The following LNX1 variants were observed in gnomAD, a reference collection of about 807,000 sequenced individuals.
LNX1 encodes E3 ubiquitin-protein ligase LNX.
Under a neutral mutation model 68.4 loss-of-function variants are expected in LNX1, and 54 were observed. The ratio of observed to expected loss-of-function variants is 0.79; its 90% confidence interval spans 0.63 to 0.99. The LOEUF (loss-of-function observed/expected upper bound fraction) is 0.99, where lower values mean the gene tolerates loss of function less well. Among genes scored for constraint, LNX1 ranks in the 50% least tolerant of loss-of-function variants. The probability of loss-of-function intolerance (pLI) is 0.00; values close to 1 mark genes in which losing one functional copy is unlikely to be tolerated. For missense variants in LNX1, 906 were observed against 926.4 expected (o/e 0.98, Z 0.29); for synonymous variants, 336 against 350.0 (o/e 0.96, Z 0.45).
chr4:53,516,421 A>G (rs753911594), intron 2 of LNX1, among the ~76,000 whole-genome samples: 17 of 152,200 alleles, frequency 1.1e-4, no homozygotes, highest in Non-Finnish European at 2.2e-4. Context: ...CCTCCATGCC[A>G]CATTATCAGA....
chr4:53,468,633 G>A (rs1486256728), intron 9 of LNX1, among the ~76,000 whole-genome samples: 2 of 151,974 alleles, frequency 1.3e-5, no homozygotes, highest in Admixed American at 6.5e-5. Flanking sequence ...TCAAATAAAG[G>A]GATGGAAGAA....
chr4:53,605,823 C>G (rs1300600222), intron 2 of LNX1, among the ~76,000 whole-genome samples: 1 of 152,168 alleles, frequency 6.6e-6, no homozygotes, highest in Non-Finnish European at 1.5e-5. Flanking sequence ...CATCATCTAT[C>G]AATGGACACT....
chr4:53,559,253 A>C (rs1730119196), intron 2 of LNX1, among the ~76,000 whole-genome samples: 1 of 152,236 alleles, frequency 6.6e-6, no homozygotes, highest in Non-Finnish European at 1.5e-5. Flanking sequence ...TAGAATGTGC[A>C]GATTTAATTT....
rs1029519191 is a variant in LNX1, at chr4:53,460,026, A to G, written c.*881T>C. 5.0e-6 allele frequency: 1 copy of G among 200,800 alleles called. No homozygotes were observed. Among genetic ancestry groups the G allele is most frequent in the African/African-American group, 2.4e-5 (1 of 41,638 alleles). 12.4% of individuals were successfully genotyped at this position (200,800 alleles called of 1,614,324 possible). ...TTTCATATCCAAATTAATAAAACCT[A>G]TAAGGCATCTGGGTGGCCTCTATGA... On this transcript the variant is annotated 3_prime_UTR_variant, in exon 11 of 11. Coordinates refer to ENST00000263925, the MANE Select transcript of LNX1 (RefSeq NM_001126328.3).
chr4:53,567,336 G>A (rs1730769401), intron 2 of LNX1, among the ~76,000 whole-genome samples: 1 of 147,666 alleles, frequency 6.8e-6, no homozygotes, highest in African/African-American at 2.5e-5. Flanking sequence ...TCAGGATTAA[G>A]AATCTCACTC....
In LNX1 at chr4:53,573,883, G is replaced by A. The variant is rs764417661; in HGVS notation, c.120C>T (p.Ile40=). The A allele has an allele frequency of 1.2e-6, 2 of 1,613,866 alleles. No individual in the cohort carries two copies. Among genetic ancestry groups the A allele is most frequent in the East Asian group, 2.2e-5 (1 of 44,884 alleles). Residue 40 remains isoleucine (I), a synonymous_variant, in exon 2 of 11, where the codon ATC becomes ATT. Coordinates refer to ENST00000263925, the MANE Select transcript of LNX1 (RefSeq NM_001126328.3). The stretch of plus-strand genomic sequence containing the variant: ...GCAAAGCCTGCAGGCAGATGTGGCA[G>A]ATGAGGTCATCATCCACTTCCTCTG... The part of the protein sequence containing the change: ...SYPEEVDDDL[I]CHICLQALLD...
chr4:53,574,449 G>GA (rs34145850), intron 1 of LNX1, among the ~76,000 whole-genome samples: 31 of 150,686 alleles, frequency 2.1e-4, no homozygotes, highest in South Asian at 1.1e-3. Context: ...ATCAGGACAA[G>GA]AAAAAAAAAA....
chr4:53,582,530 G>A (rs1212158156), intron 1 of LNX1, among the ~76,000 whole-genome samples: 1 of 152,130 alleles, frequency 6.6e-6, no homozygotes, highest in Admixed American at 6.6e-5. Flanking sequence ...GTGAGGCTCT[G>A]CCCTACTGTA....
chr4:53,561,794 C>T (rs1321519817), intron 2 of LNX1, among the ~76,000 whole-genome samples: 3 of 152,154 alleles, frequency 2.0e-5, no homozygotes, highest in Non-Finnish European at 4.4e-5. Context: ...TGTATTCATA[C>T]TAGTAAATAC....
chr4:53,509,099 A>G (rs1434363899), intron 2 of LNX1, among the ~76,000 whole-genome samples: 5 of 152,152 alleles, frequency 3.3e-5, no homozygotes, highest in Non-Finnish European at 7.4e-5. Flanking sequence ...GAACACTGCC[A>G]CTCGGCAAGT....
intron 3 of LNX1, 139 bp from the exon 4 acceptor site, chr4:53,507,608 G>A (rs2109516793): frequency 9.9e-7 from 1 of 1,011,716 alleles, no homozygotes; most frequent in Admixed American, 2.8e-5. Flanking sequence ...TTGCTTACCT[G>A]TATTTTTTAA....
chr4:53,630,034 T>A (rs1734211535), intron 1 of LNX1, among the ~76,000 whole-genome samples: 1 of 151,964 alleles, frequency 6.6e-6, no homozygotes, highest in Admixed American at 6.5e-5. Context: ...AGAAGACACT[T>A]AATCATGTTG....
At chr4:53,576,019 A>G in intron 1 of LNX1, 1 of 1,569,768 alleles carries the variant, frequency 6.4e-7, no homozygotes, top group Non-Finnish European at 8.6e-7. Context: ...TCCCCCCACC[A>G]GCCTGAAGCC....
chr4:53,629,810 T>C (rs1734203864), intron 1 of LNX1, among the ~76,000 whole-genome samples: 1 of 152,186 alleles, frequency 6.6e-6, no homozygotes, highest in Non-Finnish European at 1.5e-5. Context: ...AGAGCCCTTC[T>C]GTTTGGTTTT....
chr4:53,498,823 G>C lies in LNX1; in HGVS notation c.796C>G (p.Leu266Val). 1 of 1,613,682 alleles carries C rather than the reference G, an allele frequency of 6.2e-7. No individual in the cohort carries two copies. The highest frequency in any genetic ancestry group is 1.3e-5 in the African/African-American group (1 of 75,022). ...APEVFPRLYH[L>V]IPDGEITSIK... ...CTGGTAATTTCACCATCTGGAATCA[G>C]GTGGTACAACCTTGGAAAGACTGAA... The change falls in exon 5 of 11, where the codon CTG (leucine) becomes GTG (valine). Residue 266 changes from leucine to valine, a missense_variant. By Grantham distance (32) the Leu-to-Val change is conservative (BLOSUM62 1). Transcript: ENST00000263925.
At chr4:53,584,057 T>C (rs1472059607) in intron 1 of LNX1, among the ~76,000 whole-genome samples, 1 of 152,196 alleles carries the variant, frequency 6.6e-6, no homozygotes, top group South Asian at 2.1e-4. Flanking sequence ...GAAGAGCTGA[T>C]ATCAGAGGGG....
chr4:53,574,007 G>A lies in LNX1; in HGVS notation c.-5C>T, dbSNP rs1731334934. On this transcript the variant is annotated 5_prime_UTR_variant, in exon 2 of 11. Transcript: ENST00000263925. Reference sequence around the variant, plus strand: ...GGCAGACTCTGGCTGGTTCATGATGGATTGGAGAGCAGTATAACAGGAAAC... The same window carrying A: ...GGCAGACTCTGGCTGGTTCATGATGAATTGGAGAGCAGTATAACAGGAAAC... 4 of 1,606,546 alleles carry A rather than the reference G, an allele frequency of 2.5e-6. No individual in the cohort carries two copies. The African/African-American group carries it at 5.3e-5, about 21-fold the overall frequency.
chr4:53,479,701 G>A (rs1196335392), intron 7 of LNX1, among the ~76,000 whole-genome samples: 1 of 152,156 alleles, frequency 6.6e-6, no homozygotes, highest in African/African-American at 2.4e-5. Context: ...GTTCCTTGAT[G>A]TTTAAAAACA....
intron 2 of LNX1, among the ~76,000 whole-genome samples, chr4:53,554,393 C>T (rs1342256847): frequency 1.3e-5 from 2 of 152,178 alleles, no homozygotes; most frequent in Non-Finnish European, 2.9e-5. Flanking sequence ...AACTATTGGC[C>T]CTCAAGGCCA....
Sources: gnomAD v4.1 joint callset for allele counts (sites outside exome capture counted in the v4.1 genomes callset) on GRCh38, gnomAD v4.1.1 for gene constraint, MANE v1.5 for transcripts, NCBI Gene and HGNC (gene_info 2026-07-23, HGNC 2026-07-21) for gene names.